The following ZFHX3 variants were observed in gnomAD, a reference collection of about 807,000 sequenced individuals.
ZFHX3 encodes zinc finger homeobox protein 3.
In ZFHX3, 42 loss-of-function variants were observed where a neutral mutation model predicts 279.1. The observed-to-expected ratio is 0.15, with a 90% CI of 0.12 to 0.19. The LOEUF is 0.19. ZFHX3 is among the 10% of genes least tolerant of loss of function. The pLI, the probability that ZFHX3 is intolerant of heterozygous loss-of-function variation, is 1.00. For synonymous variants in ZFHX3, 2,293 were observed against 1,957.8 expected (o/e 1.17, Z -4.52); for missense variants, 4,981 against 4,754.0 (o/e 1.05, Z -1.40).
chr16:73,216,067 G>A (rs2012195069), intron 5 of ZFHX3, among the ~76,000 whole-genome samples: 1 of 152,198 alleles, frequency 6.6e-6, no homozygotes, highest in Non-Finnish European at 1.5e-5. Context: ...GTGGAGTCAA[G>A]CTCAGCTGAT....
intron 3 of ZFHX3, among the ~76,000 whole-genome samples, chr16:73,368,870 A>C: frequency 6.6e-6 from 1 of 152,194 alleles, no homozygotes; most frequent in Non-Finnish European, 1.5e-5. Context: ...TGGTAAGGAA[A>C]CTCAAATTCA....
chr16:73,747,093 C>A (rs2053711360), intron 1 of ZFHX3, among the ~76,000 whole-genome samples: 1 of 152,162 alleles, frequency 6.6e-6, no homozygotes, highest in Non-Finnish European at 1.5e-5. Flanking sequence ...AGAAGCAGCT[C>A]ATATATCTTA....
chr16:72,829,008 T>TC (rs2036999533), intron 5 of ZFHX3, among the ~76,000 whole-genome samples: 1 of 151,226 alleles, frequency 6.6e-6, no homozygotes, highest in East Asian at 2.0e-4. Flanking sequence ...TTTTTTTTTT[T>TC]TCCCCGAGAT....
intron 2 of ZFHX3, among the ~76,000 whole-genome samples, chr16:73,513,507 A>G (rs796286763): frequency 1.1e-4 from 16 of 152,188 alleles, no homozygotes; most frequent in African/African-American, 3.4e-4. Context: ...GTTTACAGAT[A>G]GTTTGGCAAT....
At chr16:73,511,066 C>T (rs768884564) in intron 2 of ZFHX3, among the ~76,000 whole-genome samples, 3 of 152,214 alleles carry the variant, frequency 2.0e-5, no homozygotes, top group South Asian at 2.1e-4. Context: ...AGATGAGGTA[C>T]CTGTAGGAAC....
intron 2 of ZFHX3, among the ~76,000 whole-genome samples, chr16:73,635,713 G>A (rs544704722): frequency 6.6e-6 from 1 of 151,994 alleles, no homozygotes; most frequent in African/African-American, 2.4e-5. Flanking sequence ...CTGACCACTG[G>A]CGATCTCACT....
At chr16:72,892,910 T>C (rs1597353268) in intron 3 of ZFHX3, among the ~76,000 whole-genome samples, 1 of 152,306 alleles carries the variant, frequency 6.6e-6, no homozygotes, top group East Asian at 1.9e-4. Context: ...GGCAGTGCTT[T>C]CTGGAGGTTA....
chr16:72,881,997 T>A (rs984215599), intron 4 of ZFHX3, among the ~76,000 whole-genome samples: 4 of 152,140 alleles, frequency 2.6e-5, no homozygotes, highest in Non-Finnish European at 5.9e-5. Flanking sequence ...TGATGTCCTG[T>A]GGCTCCCTTG....
intron 8 of ZFHX3, among the ~76,000 whole-genome samples, chr16:73,074,641 C>T (rs915736232): frequency 3.4e-5 from 5 of 148,766 alleles, no homozygotes; most frequent in East Asian, 2.1e-4. Flanking sequence ...CTGCAGATGC[C>T]GATTCCAAGA....
At chr16:73,355,271 TTTA>T (rs2016319540) in intron 3 of ZFHX3, among the ~76,000 whole-genome samples, 1 of 152,212 alleles carries the variant, frequency 6.6e-6, no homozygotes, top group Non-Finnish European at 1.5e-5. Context: ...TTATGTATGT[TTTA>T]ATGCAGATAA....
At chr16:73,331,739 C>A (rs2015809208) in intron 3 of ZFHX3, among the ~76,000 whole-genome samples, 1 of 152,200 alleles carries the variant, frequency 6.6e-6, no homozygotes, top group Non-Finnish European at 1.5e-5. Flanking sequence ...GGACCTGGAA[C>A]TTGAGTCTTA....
chr16:73,227,804 G>A (rs2012646277), intron 5 of ZFHX3, among the ~76,000 whole-genome samples: 1 of 123,094 alleles, frequency 8.1e-6, no homozygotes, highest in African/African-American at 3.2e-5. Flanking sequence ...AGTCGAGATT[G>A]CACCACTGCA....
intron 1 of ZFHX3, among the ~76,000 whole-genome samples, chr16:73,787,813 A>ATG (rs1959693077): frequency 9.8e-6 from 1 of 101,838 alleles, no homozygotes; most frequent in Non-Finnish European, 2.0e-5. Context: ...TGTTTTCTTA[A>ATG]AGTGTGTGTG....
chr16:73,881,592 T>C (rs2030167439), intron 1 of ZFHX3, among the ~76,000 whole-genome samples: 1 of 151,264 alleles, frequency 6.6e-6, no homozygotes, highest in South Asian at 2.1e-4. Flanking sequence ...TAGGAAATAT[T>C]GATGTTATTA....
intron 2 of ZFHX3, among the ~76,000 whole-genome samples, chr16:73,477,188 T>A (rs1405888292): frequency 6.6e-6 from 1 of 152,234 alleles, no homozygotes; most frequent in African/African-American, 2.4e-5. Context: ...TATAGGAAAG[T>A]CTTCTTAAAA....
chr16:73,718,377 C>T (rs2053436978), intron 1 of ZFHX3, among the ~76,000 whole-genome samples: 1 of 152,014 alleles, frequency 6.6e-6, no homozygotes, highest in African/African-American at 2.4e-5. Context: ...TGCCATCACA[C>T]TCCAGCCTGG....
intron 3 of ZFHX3, among the ~76,000 whole-genome samples, chr16:72,928,842 G>C (rs1015458619): frequency 3.3e-5 from 5 of 151,976 alleles, no homozygotes; most frequent in African/African-American, 9.7e-5. Context: ...TGTGCCTGTA[G>C]TCCCAGCTGC....
Position 73,249,078 on chromosome 16 carries a change from C to T in ZFHX3, c.-1104+7969G>A, listed in dbSNP as rs111303293. The stretch of plus-strand genomic sequence containing the variant: ...TCACACTGACCTCAATAATACGCCT[C>T]CTTTCCTTGAATAATCTATTTCAGT... On this transcript the variant is annotated intron_variant, in intron 5 of 17. Coordinates refer to the ZFHX3 transcript ENST00000641206. Among the ~76,000 whole-genome samples the T allele has an allele frequency of 9.2e-5, 14 of 152,290 alleles. 2 individuals are homozygous for T. The highest frequency in any genetic ancestry group is 3.1e-4 in the African/African-American group (13 of 41,548).
intron 3 of ZFHX3, among the ~76,000 whole-genome samples, chr16:72,911,851 T>A (rs1299065051): frequency 6.6e-6 from 1 of 151,952 alleles, no homozygotes; most frequent in East Asian, 1.9e-4. Context: ...GTTACCTGGA[T>A]TAAGTAGAAA....
Sources: allele counts gnomAD v4.1 joint callset (sites outside exome capture counted in the v4.1 genomes callset), GRCh38; gene constraint gnomAD v4.1.1; transcripts MANE v1.5; gene names NCBI Gene and HGNC (gene_info 2026-07-23, HGNC 2026-07-21).